The following CADPS2 variants were observed in gnomAD, a reference collection of about 807,000 sequenced individuals.
CADPS2 encodes calcium-dependent secretion activator 2.
In CADPS2, 93 loss-of-function variants were observed where a neutral mutation model predicts 172.5. That is an observed-to-expected ratio of 0.54 (90% CI 0.46 to 0.64). CADPS2 has a LOEUF of 0.64. Among genes scored for constraint, CADPS2 ranks in the 30% least tolerant of loss-of-function variants. CADPS2 has a pLI of 0.00. For synonymous variants in CADPS2, 546 were observed against 555.2 expected (o/e 0.98, Z 0.23); for missense variants, 1,420 against 1,565.9 (o/e 0.91, Z 1.57).
Position 122,736,864 on chromosome 7 carries a change from G to A in CADPS2, c.453+91C>T, listed in dbSNP as rs941621305. 5 of 677,060 alleles carry A rather than the reference G, an allele frequency of 7.4e-6. No individual in the cohort carries two copies. In the African/African-American group the frequency reaches 9.1e-5, roughly 12 times the overall value. The allele number at this position is 677,060 out of a possible 1,614,324, so 41.9% of individuals were successfully genotyped here. On this transcript the variant is annotated intron_variant, in intron 2 of 29. Coordinates refer to ENST00000449022, the MANE Select transcript of CADPS2 (RefSeq NM_017954.11). ...AATTCACAGCCTTCCTGTCAGACCA[G>A]CAAGCTTCTTTAAAATGAGAAACCC...
intron 1 of CADPS2, among the ~76,000 whole-genome samples, chr7:122,802,071 A>G (rs58923447): frequency 0.016 from 2,458 of 152,338 alleles, 63 homozygotes; most frequent in African/African-American, 0.056. Context: ...TAAGATGTCT[A>G]AACAGTGTCA....
intron 3 of CADPS2, among the ~76,000 whole-genome samples, chr7:122,647,630 T>C (rs187332465): frequency 6.6e-6 from 1 of 152,288 alleles, no homozygotes; most frequent in African/African-American, 2.4e-5. Flanking sequence ...AAAGCAAAGA[T>C]AATTTAAGAT....
At chr7:122,668,233 T>C (rs1225071325) in intron 2 of CADPS2, among the ~76,000 whole-genome samples, 3 of 111,498 alleles carry the variant, frequency 2.7e-5, no homozygotes, top group Non-Finnish European at 5.5e-5. Context: ...GAGGGAAAAT[T>C]GGAAAATTCC....
intron 1 of CADPS2, among the ~76,000 whole-genome samples, chr7:122,763,522 A>C (rs2093455639): frequency 6.6e-6 from 1 of 152,212 alleles, no homozygotes; most frequent in African/African-American, 2.4e-5. Flanking sequence ...ACTGTCAGTA[A>C]TGCCATCATA....
At chr7:122,756,433 T>C (rs1193145140) in intron 1 of CADPS2, among the ~76,000 whole-genome samples, 1 of 152,162 alleles carries the variant, frequency 6.6e-6, no homozygotes, top group African/African-American at 2.4e-5. Context: ...TACAACCACA[T>C]TTCTTAGGAA....
intron 6 of CADPS2, among the ~76,000 whole-genome samples, chr7:122,612,936 T>C (rs1367241889): frequency 6.6e-6 from 1 of 152,042 alleles, no homozygotes; most frequent in Non-Finnish European, 1.5e-5. Context: ...AAAGAACATT[T>C]AATAAGGAAA....
At chr7:122,635,681 G>T (rs935957833) in intron 3 of CADPS2, among the ~76,000 whole-genome samples, 95 of 152,148 alleles carry the variant, frequency 6.2e-4, no homozygotes, top group African/African-American at 2.2e-3. Flanking sequence ...GTCTATCATT[G>T]TTGGGCATTT....
At chr7:122,675,642 A>G (rs1399661622) in intron 2 of CADPS2, among the ~76,000 whole-genome samples, 2 of 152,230 alleles carry the variant, frequency 1.3e-5, no homozygotes, top group African/African-American at 4.8e-5. Flanking sequence ...GCAGCCATAA[A>G]AAAAGAATGA....
At chr7:122,668,816 T>TCTC (rs1184025100) in intron 2 of CADPS2, among the ~76,000 whole-genome samples, 5 of 152,160 alleles carry the variant, frequency 3.3e-5, no homozygotes, top group African/African-American at 1.2e-4. Context: ...GAAGCTCTCA[T>TCTC]CTCCTGAGAG....
At chr7:122,337,280 T>C (rs190411548) in intron 28 of CADPS2, among the ~76,000 whole-genome samples, 9 of 152,304 alleles carry the variant, frequency 5.9e-5, no homozygotes, top group African/African-American at 1.9e-4. Flanking sequence ...TAAGCCTCTG[T>C]TGTTAATTAG....
intron 1 of CADPS2, among the ~76,000 whole-genome samples, chr7:122,836,813 T>C (rs1003096523): frequency 7.9e-5 from 12 of 152,032 alleles, no homozygotes; most frequent in African/African-American, 2.9e-4. Context: ...ACTTAGACTC[T>C]CACACAATAA....
chr7:122,701,620 C>A, intron 2 of CADPS2: 1 of 360,110 alleles, frequency 2.8e-6, no homozygotes, highest in Admixed American at 4.4e-5. Context: ...TAAAATTCAC[C>A]TAAAAAAACA....
intron 1 of CADPS2, among the ~76,000 whole-genome samples, chr7:122,780,779 C>T (rs905150078): frequency 3.3e-5 from 5 of 152,102 alleles, no homozygotes; most frequent in African/African-American, 7.2e-5. Flanking sequence ...AAGTGTTAGC[C>T]GTTCTTTTAA....
intron 8 of CADPS2, among the ~76,000 whole-genome samples, chr7:122,526,418 C>G (rs1208623405): frequency 6.6e-6 from 1 of 152,074 alleles, no homozygotes; most frequent in African/African-American, 2.4e-5. Context: ...GTCTCCAACT[C>G]CTCGCCTCAG....
intron 11 of CADPS2, among the ~76,000 whole-genome samples, chr7:122,487,953 A>G (rs911355620): frequency 3.9e-5 from 6 of 152,238 alleles, no homozygotes; most frequent in African/African-American, 1.2e-4. Flanking sequence ...GAATATGACA[A>G]AGAATACAAA....
intron 19 of CADPS2, among the ~76,000 whole-genome samples, chr7:122,409,179 T>G (rs761282450): frequency 6.6e-6 from 1 of 152,232 alleles, no homozygotes; most frequent in Non-Finnish European, 1.5e-5. Flanking sequence ...CATGATTTCA[T>G]TACACAGATC....
chr7:122,859,764 T>C (rs776974728), intron 1 of CADPS2, among the ~76,000 whole-genome samples: 5 of 152,130 alleles, frequency 3.3e-5, no homozygotes, highest in Admixed American at 6.6e-5. Context: ...TCCAGGTTAC[T>C]TATAATACCT....
chr7:122,482,516 T>C (rs1056515871), intron 11 of CADPS2, among the ~76,000 whole-genome samples: 1 of 152,188 alleles, frequency 6.6e-6, no homozygotes, highest in African/African-American at 2.4e-5. Flanking sequence ...AAAATTCTGC[T>C]TCTGGTCATG....
intron 3 of CADPS2, among the ~76,000 whole-genome samples, chr7:122,657,122 T>C (rs1455160764): frequency 6.6e-6 from 1 of 152,220 alleles, no homozygotes; most frequent in Non-Finnish European, 1.5e-5. Context: ...TGGTTGTTTA[T>C]GTGTGGTATT....
Sources: allele counts gnomAD v4.1 joint callset (sites outside exome capture counted in the v4.1 genomes callset), GRCh38; gene constraint gnomAD v4.1.1; transcripts MANE v1.5; gene names NCBI Gene and HGNC (gene_info 2026-07-23, HGNC 2026-07-21).